The following PKD1L1 variants were observed in gnomAD, a reference collection of about 807,000 sequenced individuals.
PKD1L1 encodes the protein polycystin 1 like 1, transient receptor potential channel interacting.
A neutral mutation model predicts 323.4 loss-of-function variants in PKD1L1; 236 were observed. The observed-to-expected ratio is 0.73, with a 90% CI of 0.66 to 0.81. The LOEUF is 0.81. Among genes scored for constraint, PKD1L1 ranks in the 40% least tolerant of loss-of-function variants. The pLI is 0.00. For synonymous variants in PKD1L1, 1,344 were observed against 1,335.0 expected, an observed-to-expected ratio of 1.01 and a Z score of -0.15; for missense variants, 3,320 against 3,508.0, an observed-to-expected ratio of 0.95 and a Z score of 1.35.
chr7:47,955,553 T>C, the PKD1L1 span, among the ~76,000 whole-genome samples: 1 of 152,344 alleles, frequency 6.6e-6, no homozygotes, highest in African/African-American at 2.4e-5. Flanking sequence ...TAACTATAAG[T>C]CATACATTTT....
chr7:47,841,122 C>T (rs918044955), intron 34 of PKD1L1, among the ~76,000 whole-genome samples: 7 of 152,198 alleles, frequency 4.6e-5, no homozygotes, highest in Non-Finnish European at 8.8e-5. Context: ...CTTCCTTACT[C>T]GAAAGTGTAT....
chr7:47,934,763 G>C (rs1248693551), intron 4 of PKD1L1, among the ~76,000 whole-genome samples: 1 of 152,094 alleles, frequency 6.6e-6, no homozygotes, highest in Non-Finnish European at 1.5e-5. Flanking sequence ...CTTGGGGGTG[G>C]GGGGATTGCG....
intron 8 of PKD1L1, among the ~76,000 whole-genome samples, chr7:47,910,310 C>G (rs1166252390): frequency 6.6e-6 from 1 of 151,704 alleles, no homozygotes; most frequent in Admixed American, 6.6e-5. Context: ...ATCTTTGTGA[C>G]CAAATCTTAG....
chr7:47,953,963 G>C, the PKD1L1 span, among the ~76,000 whole-genome samples: 2 of 152,320 alleles, frequency 1.3e-5, no homozygotes, highest in South Asian at 2.1e-4. Context: ...GGCTTCACTA[G>C]AATTTTCTCT....
intron 8 of PKD1L1, among the ~76,000 whole-genome samples, chr7:47,912,559 T>C (rs1284366524): frequency 6.6e-6 from 1 of 152,062 alleles, no homozygotes; most frequent in Non-Finnish European, 1.5e-5. Context: ...CTCAGACCTG[T>C]GATCCTAGCA....
intron 46 of PKD1L1, among the ~76,000 whole-genome samples, chr7:47,817,150 G>A (rs1363610241): frequency 1.3e-5 from 2 of 152,158 alleles, no homozygotes; most frequent in African/African-American, 4.8e-5. Flanking sequence ...AGAATCGCTT[G>A]AACCCAGGAG....
intron 8 of PKD1L1, among the ~76,000 whole-genome samples, chr7:47,909,470 G>A (rs1042619594): frequency 1.3e-5 from 2 of 152,202 alleles, no homozygotes; most frequent in South Asian, 2.1e-4. Context: ...TGGCCAACTC[G>A]CACCTACCAT....
In PKD1L1 at chr7:47,829,555, T is replaced by C. The variant is rs1164503070; in HGVS notation, c.6605A>G (p.Asn2202Ser). 3 of 1,613,222 alleles carry C rather than the reference T, an allele frequency of 1.9e-6. No homozygotes were observed. The highest frequency in any genetic ancestry group is 2.5e-6 in the Non-Finnish European group (3 of 1,179,848). Residue 2202 changes from asparagine to serine, a missense_variant, in exon 44 of 57, where the codon AAC (asparagine) becomes AGC (serine). Asn to Ser is a conservative substitution (Grantham distance 46). Coordinates refer to ENST00000289672, the MANE Select transcript of PKD1L1 (RefSeq NM_138295.5). ...LGFAWKRRAD[N>S]HFFTESLCEA... ...ACATAAAGACTCAGTAAAAAAGTGG[T>C]TGTCAGCTCTTCTTTTCCAAGCAAA...
rs902582235 is a variant in PKD1L1, at chr7:47,857,819, A to G, written c.4376T>C (p.Leu1459Ser). 3.1e-6 allele frequency: 5 copies of G among 1,614,064 alleles called. No individual in the cohort carries two copies. Reference protein sequence around the residue: ...ISDLLLGCLSLNHVSTGQMEF... With the variant: ...ISDLLLGCLSSNHVSTGQMEF... ...CATCTGCCCAGTGCTAACATGGTTCAAAGAGAGACAACCCTGAAACATAGA... is the reference window on the plus strand; with the variant it reads ...CATCTGCCCAGTGCTAACATGGTTCGAAGAGAGACAACCCTGAAACATAGA... Residue 1459 changes from leucine (L) to serine (S), a missense_variant, in exon 28 of 57, where the codon TTG becomes TCG. Transcript: ENST00000289672.
At position 47,936,833 on chromosome 7, in the gene PKD1L1, T is replaced by C. The variant is rs763888335; in HGVS notation, c.398+13A>G. Reference sequence around the variant, plus strand: ...TCAGAAAAGCAATATTTCGCCATGGTACATTGACATACCTATCAGCACTGT... The same window carrying C: ...TCAGAAAAGCAATATTTCGCCATGGCACATTGACATACCTATCAGCACTGT... On this transcript the variant is annotated intron_variant, in intron 4 of 56. Coordinates refer to ENST00000289672, the MANE Select transcript of PKD1L1 (RefSeq NM_138295.5). The C allele has an allele frequency of 6.4e-7, 1 of 1,567,258 alleles. No homozygotes were observed. Among genetic ancestry groups the C allele is most frequent in the South Asian group, 1.1e-5 (1 of 87,194 alleles).
intron 50 of PKD1L1, chr7:47,809,833 A>C (rs1214542160): frequency 2.3e-5 from 8 of 346,988 alleles, no homozygotes; most frequent in Non-Finnish European, 3.7e-5. Context: ...CTCTGCACTC[A>C]GGGAAAGCAC....
intron 45 of PKD1L1, among the ~76,000 whole-genome samples, chr7:47,825,446 G>C (rs533456965): frequency 1.3e-5 from 2 of 151,442 alleles, no homozygotes; most frequent in East Asian, 3.9e-4. Flanking sequence ...CAGGAGAATC[G>C]CTTAAACCTG....
chr7:47,929,457 GAT>G lies in PKD1L1; in HGVS notation c.805_806del (p.Ile269ProfsTer18). 6.2e-7 allele frequency: 1 copy of G among 1,614,106 alleles called. No individual in the cohort carries two copies. The highest frequency in any genetic ancestry group is 8.5e-7 in the Non-Finnish European group (1 of 1,179,940). On this transcript the variant is annotated frameshift_variant, in exon 7 of 57. Coordinates refer to ENST00000289672, the MANE Select transcript of PKD1L1 (RefSeq NM_138295.5). LOFTEE classifies it high-confidence loss of function. ...GAGGATGCTGAGTAGGGGGATAGAG[GAT>G]CTCAGAACCAGACTGCGATGCCGTG... ...SFTASQSGSEILYPPTQHPPV... is the reference protein window; with the variant it reads ...SFTASQSGSEXLYPPTQHPPV...
At chr7:47,855,659 G>A (rs1402695705) in intron 28 of PKD1L1, among the ~76,000 whole-genome samples, 2 of 97,792 alleles carry the variant, frequency 2.0e-5, no homozygotes, top group Non-Finnish European at 2.1e-5. Flanking sequence ...GGCGGATCAC[G>A]AGGTCAGGAG....
At position 47,828,469 on chromosome 7, in the gene PKD1L1, C is replaced by T. The variant is rs181156910; in HGVS notation, c.6735+956G>A. Among the ~76,000 whole-genome samples, 84 of 151,960 alleles carry T rather than the reference C, an allele frequency of 5.5e-4. 1 individual carries two copies. In the East Asian group the frequency reaches 0.011, roughly 21 times the overall value. On this transcript the variant is annotated intron_variant, in intron 44 of 56. Transcript: ENST00000289672. ...TCTCAAGAGCTAAGGTGCTGCAGGGCGGGGGGTGCAGGAGGAAAGGGCAAG... is the reference window on the plus strand; with the variant it reads ...TCTCAAGAGCTAAGGTGCTGCAGGGTGGGGGGTGCAGGAGGAAAGGGCAAG...
chr7:47,865,400 C>A, intron 25 of PKD1L1, 128 bp from the exon 26 acceptor site: 5 of 735,790 alleles, frequency 6.8e-6, no homozygotes, highest in Non-Finnish European at 1.1e-5. Context: ...GCCAAAAGAC[C>A]AATTGGAGGC....
intron 13 of PKD1L1, among the ~76,000 whole-genome samples, chr7:47,900,595 G>A (rs964702048): frequency 6.6e-6 from 1 of 152,162 alleles, no homozygotes; most frequent in Admixed American, 6.5e-5. Flanking sequence ...GGGTGTGGTG[G>A]TGAGCGCCTG....
intron 30 of PKD1L1, among the ~76,000 whole-genome samples, chr7:47,854,551 T>A (rs935915774): frequency 2.0e-5 from 3 of 152,192 alleles, no homozygotes; most frequent in African/African-American, 7.2e-5. Context: ...TATATAAATT[T>A]AAACACATTT....
intron 17 of PKD1L1, among the ~76,000 whole-genome samples, chr7:47,886,848 T>C (rs1245889690): frequency 6.6e-6 from 1 of 152,132 alleles, no homozygotes; most frequent in African/African-American, 2.4e-5. Flanking sequence ...AAGGGAATAA[T>C]ACAGCAAGTA....
Sources: allele counts gnomAD v4.1 joint callset (sites outside exome capture counted in the v4.1 genomes callset), GRCh38; gene constraint gnomAD v4.1.1; transcripts MANE v1.5; gene names NCBI Gene and HGNC (gene_info 2026-07-23, HGNC 2026-07-21).